Variants in CEP295 observed in about 807,000 individuals in gnomAD.
The protein encoded by CEP295 is centrosomal protein of 295 kDa.
Under a neutral mutation model 291.6 loss-of-function variants are expected in CEP295, and 190 were observed. That is an observed-to-expected ratio of 0.65 (90% CI 0.58 to 0.73). The LOEUF (loss-of-function observed/expected upper bound fraction) is 0.73, where lower values mean the gene tolerates loss of function less well. Ranked by LOEUF, CEP295 falls within the 30% of genes least tolerant of loss-of-function variation. CEP295 has a pLI of 0.00. For missense variants in CEP295, 2,863 were observed against 2,949.4 expected (o/e 0.97, Z 0.68); for synonymous variants, 993 against 1,038.8 (o/e 0.96, Z 0.85).
In CEP295 at chr11:93,702,457, C is replaced by T. The variant is rs1440778267; in HGVS notation, c.5275-3C>T. ...TTCCCCACCCTCATCTCCACTTTTT[C>T]AGATAAGTAAGCCCACAGTTGAAAA... On this transcript the variant is annotated splice_region_variant and splice_polypyrimidine_tract_variant and intron_variant, in intron 15 of 29. Transcript: ENST00000325212. The T allele has an allele frequency of 2.6e-6, 4 of 1,515,802 alleles. No individual in the cohort carries two copies. Among genetic ancestry groups the T allele is most frequent in the Non-Finnish European group, 3.5e-6 (4 of 1,133,078 alleles). 93.9% of individuals were successfully genotyped at this position (1,515,802 alleles called of 1,614,324 possible). A position where few individuals can be genotyped will look rare whatever the true frequency, so the allele number is the denominator to read the frequency against.
intron 15 of CEP295, 79 bp from the exon 16 acceptor site, chr11:93,702,381 G>A (rs1952221759): frequency 2.2e-6 from 2 of 898,146 alleles, no homozygotes; most frequent in Non-Finnish European, 3.2e-6. Context: ...AATTTAAGAA[G>A]GGAGATATAA....
In CEP295 at chr11:93,699,020, CAAG is replaced by C. The variant is rs1237209591; in HGVS notation, c.4112_4114del (p.Glu1371del). The C allele has an allele frequency of 6.5e-7, 1 of 1,547,504 alleles. No homozygotes were observed. Among genetic ancestry groups the C allele is most frequent in the Non-Finnish European group, 8.7e-7 (1 of 1,147,026 alleles). On this transcript the variant is annotated inframe_deletion, in exon 15 of 30. Transcript: ENST00000325212. ...GAGAGAAGCCATCATTCTAGCTAGA[CAAG>C]AAGCTCGGGAAGAATTACTTTTACA...
chr11:93,668,728 TA>T (rs1950299643), intron 3 of CEP295, 79 bp from the exon 4 acceptor site: 7 of 1,064,014 alleles, frequency 6.6e-6, no homozygotes. Context: ...ACAAAATTGA[TA>T]AATCACTTCT....
rs1237176771 is a variant in CEP295 at position 93,696,910 on chromosome 11, C to T, written c.1998C>T (p.Thr666=). The T allele has an allele frequency of 2.6e-6, 4 of 1,552,016 alleles. No homozygotes were observed. In the Admixed American group the frequency reaches 7.8e-5, roughly 30 times the overall value. Residue 666 remains threonine, a synonymous_variant, in exon 15 of 30, where the codon ACC becomes ACT. Coordinates refer to ENST00000325212, the MANE Select transcript of CEP295 (RefSeq NM_033395.2). ...ACCAACCCATACAACCTATACAGAC[C>T]TCCAAATTAGAACAAGATCATTTTC... The part of the protein sequence containing the change: ...NKYQPIQPIQ[T]SKLEQDHFQV...
intron 10 of CEP295, among the ~76,000 whole-genome samples, chr11:93,690,790 C>T (rs1951501295): frequency 1.3e-5 from 2 of 150,136 alleles, no homozygotes; most frequent in South Asian, 4.2e-4. Context: ...TCACCATTCT[C>T]ATCTTGCTTT....
At chr11:93,706,924 G>A in intron 18 of CEP295, 27 bp downstream of exon 18, 2 of 1,503,652 alleles carry the variant, frequency 1.3e-6, no homozygotes, top group Non-Finnish European at 1.8e-6. Flanking sequence ...AAGTGGAATT[G>A]TATGCACAAG....
Position 93,699,879 on chromosome 11 carries a change from T to G in CEP295, c.4967T>G (p.Ile1656Ser), listed in dbSNP as rs558561848. The G allele has an allele frequency of 1.3e-6, 2 of 1,552,040 alleles. No homozygotes were observed. Among genetic ancestry groups the G allele is most frequent in the South Asian group, 2.4e-5 (2 of 84,064 alleles). Residue 1656 changes from isoleucine (I) to serine (S), a missense_variant, in exon 15 of 30, where the codon ATT becomes AGT. Ile to Ser is a moderately radical substitution (Grantham distance 142). Around this residue, in one of 3 missense-constraint regions of CEP295, gnomAD observed 2,295 missense variants for 2,335.7 expected, o/e 0.98. Coordinates refer to ENST00000325212, the MANE Select transcript of CEP295 (RefSeq NM_033395.2). ...CCCAAGGAAACAGAGCATTCGTTTA[T>G]TCCACTACCTTTTGCAGAAGCTAAA... ...FLPKETEHSF[I>S]PLPFAEAKPK...
intron 25 of CEP295, 44 bp downstream of exon 25, chr11:93,728,865 C>G (rs1937821061): frequency 2.0e-6 from 3 of 1,488,316 alleles, no homozygotes; most frequent in Non-Finnish European, 2.7e-6. Flanking sequence ...TACAAGCAAA[C>G]CAGTTGATTT....
chr11:93,681,450 C>T (rs1175242074), intron 7 of CEP295, among the ~76,000 whole-genome samples: 1 of 96,790 alleles, frequency 1.0e-5, no homozygotes, highest in African/African-American at 4.1e-5. Context: ...GAGTCTTGCT[C>T]TATCACTCAG....
intron 15 of CEP295, 25 bp from the exon 16 acceptor site, chr11:93,702,435 C>A: frequency 1.3e-6 from 2 of 1,492,012 alleles, no homozygotes; most frequent in Non-Finnish European, 1.8e-6. Context: ...CTTGTGCTTC[C>A]CCACCCTCAT....
At chr11:93,690,560 CAA>C (rs756087606) in intron 10 of CEP295, among the ~76,000 whole-genome samples, 19 of 53,146 alleles carry the variant, frequency 3.6e-4, no homozygotes, top group African/African-American at 4.9e-4. Context: ...CTCTGTCTCA[CAA>C]AAAAAAAAAA....
chr11:93,730,096 C>G lies in CEP295; in HGVS notation c.7715C>G (p.Thr2572Arg). 6.5e-7 allele frequency: 1 copy of G among 1,548,684 alleles called. No homozygotes were observed. Among genetic ancestry groups the G allele is most frequent in the Non-Finnish European group, 8.7e-7 (1 of 1,146,250 alleles). ...AEVKQQKEEK[T>R]KQEAYAQNRA... ...GTGAAACAACAAAAGGAAGAAAAAA[C>G]AAAACAAGAAGCTTATGCCCAAAAC... The change falls in exon 29 of 30, where the codon ACA becomes AGA. Residue 2572 changes from threonine to arginine, a missense_variant. This residue lies in a region of CEP295 where 2,295 missense variants were observed against 2,335.7 expected (regional missense o/e 0.98). Coordinates refer to ENST00000325212, the MANE Select transcript of CEP295 (RefSeq NM_033395.2).
intron 24 of CEP295, 124 bp downstream of exon 24, chr11:93,727,761 C>CCCTTG: frequency 1.3e-6 from 1 of 751,048 alleles, no homozygotes; most frequent in Non-Finnish European, 2.1e-6. Context: ...CTCCTAGGAT[C>CCCTTG]AAGGGATCCT....
At chr11:93,693,671 G>A (rs1177704580) in intron 12 of CEP295, among the ~76,000 whole-genome samples, 1 of 152,168 alleles carries the variant, frequency 6.6e-6, no homozygotes, top group Non-Finnish European at 1.5e-5. Flanking sequence ...CAGGAGAATC[G>A]CTTGAACCCA....
At chr11:93,680,542 C>T (rs556155749) in intron 7 of CEP295, among the ~76,000 whole-genome samples, 88 of 152,216 alleles carry the variant, frequency 5.8e-4, no homozygotes, top group Non-Finnish European at 6.8e-4. Context: ...CCTCATTTCC[C>T]GAGAAGGCTG....
At chr11:93,686,070 G>A (rs1231964949) in intron 9 of CEP295, among the ~76,000 whole-genome samples, 1 of 149,730 alleles carries the variant, frequency 6.7e-6, no homozygotes, top group Non-Finnish European at 1.5e-5. Flanking sequence ...TGTAATCCCA[G>A]CACTTTGGGA....
chr11:93,691,799 A>C, intron 11 of CEP295, 24 bp downstream of exon 11: 1 of 1,450,968 alleles, frequency 6.9e-7, no homozygotes, highest in South Asian at 1.3e-5. Flanking sequence ...TCACATCCTC[A>C]AATTAAATTT....
chr11:93,702,527 C>CTAAT lies in CEP295; in HGVS notation c.5343_5346dup (p.Thr1783Ter), dbSNP rs1952232379. 1.3e-6 allele frequency: 2 copies of CTAAT among 1,550,834 alleles called. No individual in the cohort carries two copies. The highest frequency in any genetic ancestry group is 8.7e-7 in the Non-Finnish European group (1 of 1,146,644). On this transcript the variant is annotated frameshift_variant, in exon 16 of 30. Coordinates refer to ENST00000325212, the MANE Select transcript of CEP295 (RefSeq NM_033395.2). LOFTEE classifies it high-confidence loss of function. ...ATGGGGCAGCTCAGAGACTGGTTTC[C>CTAAT]TAATACACAAGACCTAGCAGGAAAT...
At chr11:93,691,594 T>C in intron 10 of CEP295, 89 bp from the exon 11 acceptor site, 1 of 791,364 alleles carries the variant, frequency 1.3e-6, no homozygotes, top group African/African-American at 1.7e-5. Context: ...GGCCCTAGAT[T>C]GAATGTGTTA....
Sources: gnomAD v4.1 joint callset for allele counts (sites outside exome capture counted in the v4.1 genomes callset) on GRCh38, gnomAD v4.1.1 for gene constraint, gnomAD v4.1.1 regional missense constraint, MANE v1.5 for transcripts, NCBI Gene and HGNC (gene_info 2026-07-23, HGNC 2026-07-21) for gene names.